PTPRT: variants seen among roughly 807,000 people sequenced by gnomAD.
PTPRT encodes the protein protein tyrosine phosphatase receptor type T.
In PTPRT, 56 loss-of-function variants were observed where a neutral mutation model predicts 176.8. That is an observed-to-expected ratio of 0.32 (90% CI 0.26 to 0.40). The LOEUF is 0.40. Ranked by LOEUF, PTPRT falls within the 10% of genes least tolerant of loss-of-function variation. PTPRT has a pLI of 1.00. For synonymous variants in PTPRT, 783 were observed against 739.0 expected (o/e 1.06, Z -0.96); for missense variants, 1,540 against 1,908.2 (o/e 0.81, Z 3.60).
chr20:42,142,116 G>A, intron 17 of PTPRT, 114 bp from the exon 18 acceptor site: 1 of 838,708 alleles, frequency 1.2e-6, no homozygotes, highest in Non-Finnish European at 2.0e-6. Context: ...TAGTGGAAAG[G>A]GATAGATGTC....
chr20:43,002,366 C>T (rs925284873), intron 1 of PTPRT, among the ~76,000 whole-genome samples: 3 of 151,982 alleles, frequency 2.0e-5, no homozygotes, highest in African/African-American at 4.8e-5. Context: ...TAAGTATTAA[C>T]GTAGGGGATC....
chr20:42,257,875 T>C (rs1568715389), intron 13 of PTPRT, among the ~76,000 whole-genome samples: 1 of 151,886 alleles, frequency 6.6e-6, no homozygotes, highest in Non-Finnish European at 1.5e-5. Flanking sequence ...AATACACCTA[T>C]GAAGCAGGTT....
intron 15 of PTPRT, among the ~76,000 whole-genome samples, chr20:42,204,715 C>T (rs2055408880): frequency 6.6e-6 from 1 of 152,154 alleles, no homozygotes; most frequent in Non-Finnish European, 1.5e-5. Flanking sequence ...CCAGGATGGA[C>T]CATGAGTCCT....
Position 42,119,944 on chromosome 20 carries a change from C to A in PTPRT, c.2875G>T (p.Ala959Ser). The change falls in exon 20 of 31, where the codon GCG becomes TCG. Residue 959 changes from alanine (A) to serine (S), a missense_variant. This residue lies in a region of PTPRT where 248 missense variants were observed against 356.7 expected (regional missense o/e 0.70). Coordinates refer to ENST00000373187, the MANE Select transcript of PTPRT (RefSeq NM_007050.6). The part of the protein sequence containing the change: ...DGYHRPRHYI[A>S]TQGPMQETVK... ...GAGGGAGGGCACTTACCTTGAGTCG[C>A]AATGTAGTGCCGAGGTCGATGGTAT... The A allele has an allele frequency of 1.2e-6, 2 of 1,608,914 alleles. No individual in the cohort carries two copies. The highest frequency in any genetic ancestry group is 1.7e-6 in the Non-Finnish European group (2 of 1,177,700).
At chr20:42,718,396 G>T (rs1461123851) in intron 6 of PTPRT, among the ~76,000 whole-genome samples, 2 of 152,242 alleles carry the variant, frequency 1.3e-5, no homozygotes, top group East Asian at 3.9e-4. Context: ...AATCAGCCGG[G>T]CTTGGTGGCG....
At chr20:42,938,487 C>T (rs1980344037) in intron 1 of PTPRT, among the ~76,000 whole-genome samples, 1 of 152,038 alleles carries the variant, frequency 6.6e-6, no homozygotes, top group Non-Finnish European at 1.5e-5. Flanking sequence ...TATAGATGGG[C>T]CTTCAGTGGC....
At chr20:42,677,434 C>A (rs1276990203) in intron 7 of PTPRT, among the ~76,000 whole-genome samples, 1 of 151,980 alleles carries the variant, frequency 6.6e-6, no homozygotes, top group Non-Finnish European at 1.5e-5. Flanking sequence ...AGAAACAGAG[C>A]CAGGAACCCT....
chr20:42,773,216 A>G (rs2145471034), intron 4 of PTPRT, among the ~76,000 whole-genome samples: 1 of 152,256 alleles, frequency 6.6e-6, no homozygotes, highest in Middle Eastern at 3.4e-3. Flanking sequence ...GATTTGAACT[A>G]TTTTGTCTAC....
intron 1 of PTPRT, among the ~76,000 whole-genome samples, chr20:43,015,276 C>T (rs1252624109): frequency 6.6e-6 from 1 of 152,200 alleles, no homozygotes; most frequent in Non-Finnish European, 1.5e-5. Context: ...GTACTCTCTC[C>T]TCCTTGCTTC....
chr20:42,940,983 G>A (rs1980507929), intron 1 of PTPRT, among the ~76,000 whole-genome samples: 1 of 151,980 alleles, frequency 6.6e-6, no homozygotes, highest in Admixed American at 6.6e-5. Flanking sequence ...TCAGGAGGCT[G>A]AGGCAGAAGA....
intron 2 of PTPRT, among the ~76,000 whole-genome samples, chr20:42,881,555 T>C (rs916412285): frequency 2.6e-5 from 4 of 151,596 alleles, no homozygotes; most frequent in Non-Finnish European, 4.4e-5. Context: ...CAAAACTCCA[T>C]CTCTACTAAA....
chr20:42,232,092 A>G (rs1236677646), intron 15 of PTPRT, among the ~76,000 whole-genome samples: 1 of 152,170 alleles, frequency 6.6e-6, no homozygotes, highest in East Asian at 1.9e-4. Flanking sequence ...GTGTGCAGGA[A>G]TTTTTACTTG....
intron 1 of PTPRT, among the ~76,000 whole-genome samples, chr20:43,186,501 G>A (rs1414698137): frequency 6.6e-6 from 1 of 152,188 alleles, no homozygotes; most frequent in Non-Finnish European, 1.5e-5. Context: ...TTGAAAGAGT[G>A]ATGCTGTCAT....
chr20:42,088,920 C>A (rs923771769), intron 27 of PTPRT, among the ~76,000 whole-genome samples: 4 of 152,156 alleles, frequency 2.6e-5, no homozygotes, highest in African/African-American at 9.7e-5. Flanking sequence ...ATTGTTGAAT[C>A]CATCAGTGCT....
intron 6 of PTPRT, among the ~76,000 whole-genome samples, chr20:42,751,096 C>T (rs78088439): frequency 0.012 from 1,802 of 152,262 alleles, 21 homozygotes; most frequent in East Asian, 0.035. Flanking sequence ...CAGGATCACA[C>T]GTGAGCTGTG....
intron 6 of PTPRT, among the ~76,000 whole-genome samples, chr20:42,751,814 C>T (rs963325757): frequency 2.6e-5 from 4 of 152,146 alleles, no homozygotes. Flanking sequence ...GCCGAGCTTT[C>T]CTACTTTTCA....
intron 8 of PTPRT, among the ~76,000 whole-genome samples, chr20:42,456,041 C>A (rs1351643367): frequency 1.3e-5 from 2 of 152,006 alleles, no homozygotes; most frequent in Non-Finnish European, 2.9e-5. Context: ...GTTTTCTCAT[C>A]CATGAACATG....
At chr20:43,111,550 A>G (rs1410457893) in intron 1 of PTPRT, among the ~76,000 whole-genome samples, 1 of 137,742 alleles carries the variant, frequency 7.3e-6, no homozygotes, top group African/African-American at 3.0e-5. Context: ...TCTCAGGAAA[A>G]AAAAAAAAAA....
rs3086756 is a variant in PTPRT at position 42,197,376 on chromosome 20, CAAAAAAA to C, written c.2491+1857_2491+1863del. ...CCTGGGTGATAGAGTGAGACTCCATCAAAAAAAAAAAAAAAAAAAAAAAAAGTCAGTA... is the reference window on the plus strand; with the variant it reads ...CCTGGGTGATAGAGTGAGACTCCATCAAAAAAAAAAAAAAAAAAGTCAGTA... On this transcript the variant is annotated intron_variant, in intron 16 of 30. Transcript: ENST00000373187. Among the ~76,000 whole-genome samples, 6 of 33,310 alleles carry C rather than the reference CAAAAAAA, an allele frequency of 1.8e-4. No homozygotes were observed. In the East Asian group the frequency reaches 4.7e-3, roughly 26 times the overall value. The allele number at this position is 33,310 out of a possible 152,430, so 21.9% of individuals were successfully genotyped here. A position where few individuals can be genotyped will look rare whatever the true frequency, so the allele number is the denominator to read the frequency against.
Sources: gnomAD v4.1 joint callset for allele counts (sites outside exome capture counted in the v4.1 genomes callset) on GRCh38, gnomAD v4.1.1 for gene constraint, gnomAD v4.1.1 regional missense constraint, MANE v1.5 for transcripts, NCBI Gene and HGNC (gene_info 2026-07-23, HGNC 2026-07-21) for gene names.